CYB5R4: variants seen among roughly 807,000 people sequenced by gnomAD.
CYB5R4 encodes cytochrome b5 reductase 4, also known as N-terminal cytochrome b5 and cytochrome b5 oxidoreductase domain-containing protein.
In CYB5R4, 55 loss-of-function variants were observed where a neutral mutation model predicts 70.2. That is an observed-to-expected ratio of 0.78 (90% CI 0.63 to 0.98). The LOEUF (loss-of-function observed/expected upper bound fraction) is 0.98, where lower values mean the gene tolerates loss of function less well. Ranked by LOEUF, CYB5R4 falls within the 50% of genes least tolerant of loss-of-function variation. The pLI, the probability that CYB5R4 is intolerant of heterozygous loss-of-function variation, is 0.00. For synonymous variants in CYB5R4, 197 were observed against 199.5 expected (o/e 0.99, Z 0.11); for missense variants, 562 against 612.6 (o/e 0.92, Z 0.87).
At position 83,963,680 on chromosome 6, in the gene CYB5R4, G is replaced by A. The variant is rs1393516754; in HGVS notation, c.*3802G>A. On this transcript the variant is annotated 3_prime_UTR_variant, in exon 16 of 16. Transcript: ENST00000369681. ...TTCTTTGTTAAAGTTCTCTTTTGAT[G>A]CATATCCCCCATTCATGGAATGGAA... is the stretch of plus-strand genomic sequence containing the variant. The A allele has an allele frequency of 6.6e-6, 1 of 152,140 alleles. No individual in the cohort carries two copies. Among genetic ancestry groups the A allele is most frequent in the Non-Finnish European group, 1.5e-5 (1 of 68,030 alleles). The allele number at this position is 152,140 out of a possible 1,614,324, so 9.4% of individuals were successfully genotyped here.
At chr6:83,946,221 C>G (rs2099470587) in intron 14 of CYB5R4, among the ~76,000 whole-genome samples, 2 of 152,140 alleles carry the variant, frequency 1.3e-5, no homozygotes, top group African/African-American at 4.8e-5. Context: ...AAAGCTTTTC[C>G]ACCACGATCA....
At chr6:83,878,457 T>C (rs2099458930) in intron 2 of CYB5R4, among the ~76,000 whole-genome samples, 3 of 152,032 alleles carry the variant, frequency 2.0e-5, no homozygotes, top group African/African-American at 4.8e-5. Context: ...ACGCCATTCT[T>C]CTGCCTCAGC....
intron 2 of CYB5R4, among the ~76,000 whole-genome samples, chr6:83,865,861 C>T (rs1023538050): frequency 2.0e-5 from 3 of 152,088 alleles, no homozygotes; most frequent in Non-Finnish European, 4.4e-5. Flanking sequence ...TGTTCAGCTC[C>T]CCAAAGTTCC....
chr6:83,948,677 CTTGA>C (rs1396198687), intron 14 of CYB5R4, among the ~76,000 whole-genome samples: 1 of 152,048 alleles, frequency 6.6e-6, no homozygotes, highest in Non-Finnish European at 1.5e-5. Flanking sequence ...TTGACTTCAA[CTTGA>C]TTTATAAATT....
chr6:83,903,040 G>A (rs2099463245), intron 3 of CYB5R4, among the ~76,000 whole-genome samples: 1 of 152,046 alleles, frequency 6.6e-6, no homozygotes, highest in Non-Finnish European at 1.5e-5. Context: ...GCTCTGTCTA[G>A]AACTTCCAGT....
At chr6:83,884,945 T>C (rs2099460024) in intron 2 of CYB5R4, among the ~76,000 whole-genome samples, 1 of 152,202 alleles carries the variant, frequency 6.6e-6, no homozygotes, top group Non-Finnish European at 1.5e-5. Flanking sequence ...AAATAACGCT[T>C]TTACTTAAAG....
rs1038044679 is a variant in CYB5R4 at position 83,940,290 on chromosome 6, C to G, written c.1259+84C>G. 5.4e-6 allele frequency: 7 copies of G among 1,285,962 alleles called. No individual in the cohort carries two copies. In the African/African-American group the frequency reaches 9.1e-5, roughly 17 times the overall value. The allele number at this position is 1,285,962 out of a possible 1,614,324, so 79.7% of individuals were successfully genotyped here. A position where few individuals can be genotyped will look rare whatever the true frequency, so the allele number is the denominator to read the frequency against. Reference sequence around the variant, plus strand: ...ATTCTAAATTGATTACTCACTGGACCTTAATAGACATGTTACCATTTCCTC... The same window carrying G: ...ATTCTAAATTGATTACTCACTGGACGTTAATAGACATGTTACCATTTCCTC... On this transcript the variant is annotated intron_variant, in intron 13 of 15. Coordinates refer to ENST00000369681, the MANE Select transcript of CYB5R4 (RefSeq NM_016230.4).
rs768042525 is a variant in CYB5R4, at chr6:83,919,351, CAT to C, written c.507-45_507-44del. On this transcript the variant is annotated intron_variant, in intron 6 of 15. Transcript: ENST00000369681. ...TTAATGATTAATATATGTGAATGCACATGATTGTCAATATAATTATTCATCCT... is the reference window on the plus strand; with the variant it reads ...TTAATGATTAATATATGTGAATGCACGATTGTCAATATAATTATTCATCCT... 84 of 1,024,442 alleles carry C rather than the reference CAT, an allele frequency of 8.2e-5. 1 individual carries two copies. The highest frequency in any genetic ancestry group is 8.5e-5 in the Non-Finnish European group (59 of 691,750). The allele number at this position is 1,024,442 out of a possible 1,614,324, so 63.5% of individuals were successfully genotyped here.
intron 3 of CYB5R4, among the ~76,000 whole-genome samples, chr6:83,902,612 G>C (rs1163902173): frequency 6.6e-6 from 1 of 152,084 alleles, no homozygotes; most frequent in Non-Finnish European, 1.5e-5. Context: ...GCTTTGGGCT[G>C]TATGTTCCTT....
chr6:83,893,993 CTT>C (rs2099461508), intron 3 of CYB5R4, among the ~76,000 whole-genome samples: 1 of 152,148 alleles, frequency 6.6e-6, no homozygotes, highest in African/African-American at 2.4e-5. Flanking sequence ...AAACAAGTAA[CTT>C]AGCTTCTTTT....
chr6:83,921,753 T>C (rs1193917889), intron 8 of CYB5R4, among the ~76,000 whole-genome samples: 1 of 152,226 alleles, frequency 6.6e-6, no homozygotes, highest in African/African-American at 2.4e-5. Flanking sequence ...AATATGAAAC[T>C]CTTGGTTGCC....
At chr6:83,861,595 G>A (rs990396726) in intron 1 of CYB5R4, among the ~76,000 whole-genome samples, 7 of 152,192 alleles carry the variant, frequency 4.6e-5, no homozygotes, top group African/African-American at 1.4e-4. Flanking sequence ...AGATATGCAA[G>A]TTAGGTTAAT....
At chr6:83,894,739 A>G (rs1277242398) in intron 3 of CYB5R4, among the ~76,000 whole-genome samples, 1 of 152,108 alleles carries the variant, frequency 6.6e-6, no homozygotes, top group African/African-American at 2.4e-5. Context: ...AAGCTAAAGA[A>G]AAGAAAATGC....
At chr6:83,949,367 A>C (rs2099471173) in intron 14 of CYB5R4, among the ~76,000 whole-genome samples, 1 of 152,120 alleles carries the variant, frequency 6.6e-6, no homozygotes, top group South Asian at 2.1e-4. Flanking sequence ...GATGATTTTA[A>C]TTAGTCACAG....
At chr6:83,955,248 T>C (rs200383835) in intron 14 of CYB5R4, 50 bp from the exon 15 acceptor site, 7 of 1,406,638 alleles carry the variant, frequency 5.0e-6, no homozygotes, top group Non-Finnish European at 5.8e-6. Context: ...AACATGTTAA[T>C]AATATGTTTA....
At chr6:83,863,248 G>A (rs2099456237) in intron 1 of CYB5R4, among the ~76,000 whole-genome samples, 1 of 152,156 alleles carries the variant, frequency 6.6e-6, no homozygotes, top group Non-Finnish European at 1.5e-5. Context: ...GGTGTTTTCG[G>A]CTTTGAGAGC....
intron 2 of CYB5R4, among the ~76,000 whole-genome samples, chr6:83,874,990 T>G (rs1284828495): frequency 6.6e-6 from 1 of 151,868 alleles, no homozygotes; most frequent in Non-Finnish European, 1.5e-5. Flanking sequence ...GCCCAGCTAA[T>G]TTTTGTATTT....
Position 83,935,856 on chromosome 6 carries a change from G to GT in CYB5R4, c.956-359dup, listed in dbSNP as rs556360377. ...TATAATTAAAATTATTAGGTAAATA[G>GT]TTTTTTTTTACATCTCCATGGTAAC... On this transcript the variant is annotated intron_variant, in intron 11 of 15. Coordinates refer to ENST00000369681, the MANE Select transcript of CYB5R4 (RefSeq NM_016230.4). Among the ~76,000 whole-genome samples the GT allele has an allele frequency of 2.4e-3, 365 of 151,084 alleles. 3 individuals are homozygous for GT. Among genetic ancestry groups the GT allele is most frequent in the African/African-American group, 8.0e-3 (329 of 41,260 alleles).
In CYB5R4 at chr6:83,921,198, T is replaced by G. The variant is rs61763829; in HGVS notation, c.658+23T>G. 7.1e-4 allele frequency: 1,035 copies of G among 1,450,794 alleles called. 9 individuals are homozygous for G. The African/African-American group carries it at 0.014, about 19-fold the overall frequency. The allele number at this position is 1,450,794 out of a possible 1,614,324, so 89.9% of individuals were successfully genotyped here. On this transcript the variant is annotated intron_variant, in intron 8 of 15. Coordinates refer to ENST00000369681, the MANE Select transcript of CYB5R4 (RefSeq NM_016230.4). ...TTGGTGAGTACTTTATTATTATTAATGGAAAGAGCTCTGGTTTTCTTTAAA... is the reference window on the plus strand; with the variant it reads ...TTGGTGAGTACTTTATTATTATTAAGGGAAAGAGCTCTGGTTTTCTTTAAA...
Sources: gnomAD v4.1 joint callset for allele counts (sites outside exome capture counted in the v4.1 genomes callset) on GRCh38, gnomAD v4.1.1 for gene constraint, MANE v1.5 for transcripts, NCBI Gene and HGNC (gene_info 2026-07-23, HGNC 2026-07-21) for gene names.